C15orf39: variants seen among roughly 807,000 people sequenced by gnomAD.
C15orf39 encodes uncharacterized protein C15orf39.
C15orf39 carries 24 observed loss-of-function variants against 53.9 expected under a neutral mutation model. That is an observed-to-expected ratio of 0.45 (90% CI 0.32 to 0.63). The LOEUF (loss-of-function observed/expected upper bound fraction) is 0.63, where lower values mean the gene tolerates loss of function less well. C15orf39 is among the 20% of genes least tolerant of loss of function. The pLI is 0.04. For synonymous variants in C15orf39, 569 were observed against 576.5 expected, an observed-to-expected ratio of 0.99 and a Z score of 0.19; for missense variants, 1,271 against 1,347.9, an observed-to-expected ratio of 0.94 and a Z score of 0.89.
chr15:75,210,265 C>G (rs891656962), intron 2 of C15orf39, among the ~76,000 whole-genome samples: 4 of 152,216 alleles, frequency 2.6e-5, no homozygotes, highest in African/African-American at 9.6e-5. Flanking sequence ...TGCCCCTAGA[C>G]AGTTATCCCT....
At chr15:75,201,607 G>T (rs944080476), upstream of C15orf39, among the ~76,000 whole-genome samples, 6 of 152,244 alleles carry the variant, frequency 3.9e-5, no homozygotes, top group Admixed American at 1.3e-4. The surrounding 1 kb of genome is among the most constrained non-coding windows in gnomAD (Gnocchi z 4.7). Context: ...AGCGGCAGGC[G>T]CAAGGTCACA....
intron 1 of C15orf39, among the ~76,000 whole-genome samples, chr15:75,204,231 G>A (rs1366933384): frequency 1.3e-5 from 2 of 152,174 alleles, no homozygotes; most frequent in Non-Finnish European, 2.9e-5. Context: ...GAGTTTCCAG[G>A]AATAGGGTGC....
rs2070428072 is a variant in C15orf39, at chr15:75,204,942, G to A, written c.-50-1057G>A. Among the ~76,000 whole-genome samples the A allele has an allele frequency of 2.0e-5, 3 of 152,142 alleles. No individual in the cohort carries two copies. The South Asian group carries it at 6.2e-4, about 31-fold the overall frequency. ...CTCATGCTCTGGGACCTTCCTGCTG[G>A]TGCTGCAGCACCATCTGCTGGGCTG... On this transcript the variant is annotated intron_variant, in intron 1 of 2. Transcript: ENST00000394987.
In C15orf39 at chr15:75,207,434, C is replaced by G; in HGVS notation, c.1386C>G (p.Ile462Met). ...TCAGTGAGCACTCTGGGCCGCCCAT[C>G]GTCATCCGAGACAGTCCAGTTCCCT... ...PRLSEHSGPP[I>M]VIRDSPVPCT... Residue 462 changes from isoleucine (I) to methionine (M), a missense_variant, in exon 2 of 3, where the codon ATC (isoleucine) becomes ATG (methionine). Transcript: ENST00000394987. 6.2e-7 allele frequency: 1 copy of G among 1,613,558 alleles called. No homozygotes were observed. Among genetic ancestry groups the G allele is most frequent in the Non-Finnish European group, 8.5e-7 (1 of 1,180,008 alleles).
chr15:75,208,885 G>A (rs779794818), intron 2 of C15orf39, 61 bp downstream of exon 2: 3 of 1,535,078 alleles, frequency 2.0e-6, no homozygotes, highest in South Asian at 2.5e-5. Context: ...AGGTGTGTGT[G>A]CTGTGTGAGT....
At chr15:75,209,065 C>T in intron 2 of C15orf39, 2 of 593,236 alleles carry the variant, frequency 3.4e-6, no homozygotes, top group East Asian at 3.4e-5. Flanking sequence ...ATGGAAACTC[C>T]TCGGCCTCCC....
intron 1 of C15orf39, among the ~76,000 whole-genome samples, chr15:75,204,756 C>A (rs1277651404): frequency 6.6e-6 from 1 of 152,210 alleles, no homozygotes; most frequent in East Asian, 1.9e-4. Context: ...ATGATCCGCA[C>A]ACCTCGGCTT....
intron 2 of C15orf39, among the ~76,000 whole-genome samples, chr15:75,210,470 G>A (rs2070475183): frequency 6.6e-6 from 1 of 152,182 alleles, no homozygotes; most frequent in African/African-American, 2.4e-5. Flanking sequence ...TATTGGACCA[G>A]GCCAATGGTT....
chr15:75,207,810 G>C lies in C15orf39; in HGVS notation c.1762G>C (p.Val588Leu). Residue 588 changes from valine (V) to leucine (L), a missense_variant, in exon 2 of 3, where the codon GTC becomes CTC. Around this residue, in one of 2 missense-constraint regions of C15orf39, gnomAD observed 994 missense variants for 993.7 expected, o/e 1.00. Transcript: ENST00000394987. ...GAAGCCCACAGCAGAGGCCTCCCCT[G>C]TCAAGGCTTCCCGTTCTGTGGAGCA... is the stretch of plus-strand genomic sequence containing the variant. ...VRKPTAEASP[V>L]KASRSVEHAK... 3 of 1,612,310 alleles carry C rather than the reference G, an allele frequency of 1.9e-6. No individual in the cohort carries two copies. In the South Asian group the frequency reaches 3.3e-5, roughly 18 times the overall value.
At chr15:75,210,346 C>T (rs962348305) in intron 2 of C15orf39, among the ~76,000 whole-genome samples, 1 of 152,172 alleles carries the variant, frequency 6.6e-6, no homozygotes, top group Non-Finnish European at 1.5e-5. Flanking sequence ...TACCTGGGCT[C>T]GGCCTCGGGC....
intron 2 of C15orf39, chr15:75,209,476 A>T (rs1318694043): frequency 1.3e-5 from 2 of 152,262 alleles, no homozygotes; most frequent in African/African-American, 4.8e-5. Context: ...TGTGCGCATA[A>T]GTCGCATTGT....
chr15:75,206,347 G>T lies in C15orf39; in HGVS notation c.299G>T (p.Gly100Val), dbSNP rs748007536. The T allele has an allele frequency of 1.2e-6, 2 of 1,614,040 alleles. No homozygotes were observed. Among genetic ancestry groups the T allele is most frequent in the Non-Finnish European group, 1.7e-6 (2 of 1,179,996 alleles). The change falls in exon 2 of 3, where the codon GGC (glycine) becomes GTC (valine). Residue 100 changes from glycine (G) to valine (V), a missense_variant. Transcript: ENST00000394987. ...NCLFYRSPAE[G>V]PEKMQDSSPV... ...CTGTTCTACCGCTCGCCAGCAGAAG[G>T]CCCTGAGAAGATGCAGGACTCCAGC...
chr15:75,207,332 G>C lies in C15orf39; in HGVS notation c.1284G>C (p.Glu428Asp). The C allele has an allele frequency of 6.2e-7, 1 of 1,613,458 alleles. No homozygotes were observed. The highest frequency in any genetic ancestry group is 8.5e-7 in the Non-Finnish European group (1 of 1,180,024). ...QPLPASQPCS[E>D]PVRPAQEAEE... ...TGCCAGCGAGCCAGCCCTGCTCAGAGCCTGTGAGGCCTGCACAGGAAGCCG... is the reference window on the plus strand; with the variant it reads ...TGCCAGCGAGCCAGCCCTGCTCAGACCCTGTGAGGCCTGCACAGGAAGCCG... The change falls in exon 2 of 3, where the codon GAG (glutamate) becomes GAC (aspartate). Residue 428 changes from glutamate (E) to aspartate (D), a missense_variant. Transcript: ENST00000394987.
At position 75,208,269 on chromosome 15, in the gene C15orf39, C is replaced by T; in HGVS notation, c.2221C>T (p.Pro741Ser). 6.3e-6 allele frequency: 10 copies of T among 1,579,826 alleles called. No individual in the cohort carries two copies. The highest frequency in any genetic ancestry group is 7.7e-6 in the Non-Finnish European group (9 of 1,161,954). ...RAQAPASARDPAPAPAPVAGP... is the reference protein window; with the variant it reads ...RAQAPASARDSAPAPAPVAGP... ...TCAGGCTCCAGCTTCAGCCCGGGAT[C>T]CAGCTCCAGCTCCAGCTCCAGTTGC... is the stretch of plus-strand genomic sequence containing the variant. Residue 741 changes from proline to serine, a missense_variant, in exon 2 of 3, where the codon CCA becomes TCA. This residue lies in a region of C15orf39 where 994 missense variants were observed against 993.7 expected (regional missense o/e 1.00). Coordinates refer to ENST00000394987, the MANE Select transcript of C15orf39 (RefSeq NM_015492.5).
At chr15:75,199,652 G>A (rs926121712), upstream of C15orf39, among the ~76,000 whole-genome samples, 1 of 152,210 alleles carries the variant, frequency 6.6e-6, no homozygotes, top group Non-Finnish European at 1.5e-5. Context: ...GGAGCCAGGA[G>A]AAGTAACTGG....
chr15:75,207,254 C>T lies in C15orf39; in HGVS notation c.1206C>T (p.Asn402=). ...TTGGAGGGACACCACCTTCCCAGAACAATGTGCGGGCTGTGCCACAGCCTG... is the reference window on the plus strand; with the variant it reads ...TTGGAGGGACACCACCTTCCCAGAATAATGTGCGGGCTGTGCCACAGCCTG... ...PGLGGTPPSQ[N]NVRAVPQPGA... The change falls in exon 2 of 3, where the codon AAC becomes AAT. Residue 402 remains asparagine (N), a synonymous_variant. Transcript: ENST00000394987. 6.2e-7 allele frequency: 1 copy of T among 1,613,634 alleles called. No individual in the cohort carries two copies. Among genetic ancestry groups the T allele is most frequent in the Non-Finnish European group, 8.5e-7 (1 of 1,179,994 alleles).
At chr15:75,202,749 GT>G (rs1172240211) in intron 1 of C15orf39, among the ~76,000 whole-genome samples, 3 of 152,256 alleles carry the variant, frequency 2.0e-5, no homozygotes, top group Non-Finnish European at 2.9e-5. Flanking sequence ...GGAATGGCGT[GT>G]GTGCAGATGT....
chr15:75,209,026 C>A, intron 2 of C15orf39: 1 of 893,960 alleles, frequency 1.1e-6, no homozygotes, highest in Non-Finnish European at 1.6e-6. Flanking sequence ...CTTTTGTAGG[C>A]TTCTGAACAT....
Position 75,207,660 on chromosome 15 carries a change from C to A in C15orf39, c.1612C>A (p.Pro538Thr), listed in dbSNP as rs759217581. The A allele has an allele frequency of 1.9e-6, 3 of 1,608,578 alleles. No individual in the cohort carries two copies. The highest frequency in any genetic ancestry group is 2.6e-6 in the Non-Finnish European group (3 of 1,176,094). The change falls in exon 2 of 3, where the codon CCA becomes ACA. Residue 538 changes from proline (P) to threonine (T), a missense_variant. Physicochemically the swap from Pro to Thr is conservative, Grantham distance 38. This residue lies in a region of C15orf39 where 994 missense variants were observed against 993.7 expected (regional missense o/e 1.00). Transcript: ENST00000394987. Reference protein sequence around the residue: ...DSATAEPDSAPATSEGQDKGC... With the variant: ...DSATAEPDSATATSEGQDKGC... ...TGCCACAGCTGAGCCTGACTCAGCC[C>A]CAGCCACCAGTGAAGGTCAGGACAA...
Sources: allele counts gnomAD v4.1 joint callset (sites outside exome capture counted in the v4.1 genomes callset), GRCh38; gene constraint gnomAD v4.1.1; regional missense constraint gnomAD v4.1.1; non-coding constraint Gnocchi (gnomAD v3.1); transcripts MANE v1.5; gene names NCBI Gene and HGNC (gene_info 2026-07-23, HGNC 2026-07-21).